The following NUP214 variants were observed in gnomAD, a reference collection of about 807,000 sequenced individuals.
The protein encoded by NUP214 is nucleoporin 214, also known as nuclear pore complex protein Nup214.
A neutral mutation model predicts 196.2 loss-of-function variants in NUP214; 79 were observed. The ratio of observed to expected loss-of-function variants is 0.40; its 90% CI spans 0.34 to 0.49. The LOEUF (loss-of-function observed/expected upper bound fraction) is 0.49, where lower values mean the gene tolerates loss of function less well. Among genes scored for constraint, NUP214 ranks in the 20% least tolerant of loss-of-function variants. NUP214 has a pLI of 0.58. For missense variants in NUP214, 2,468 were observed against 2,539.0 expected (o/e 0.97, Z 0.60); for synonymous variants, 1,020 against 990.5 (o/e 1.03, Z -0.56).
intron 21 of NUP214, among the ~76,000 whole-genome samples, chr9:131,173,814 A>G (rs932738390): frequency 6.6e-6 from 1 of 152,026 alleles, no homozygotes; most frequent in East Asian, 1.9e-4. Context: ...ACTTTTTCAC[A>G]TTCTTTTAAC....
chr9:131,196,823 C>G (rs1158816988), intron 28 of NUP214, among the ~76,000 whole-genome samples: 12 of 152,202 alleles, frequency 7.9e-5, no homozygotes, highest in Admixed American at 7.9e-4. Flanking sequence ...CATTTTGAAT[C>G]AAGTCCTGGT....
chr9:131,181,032 G>A lies in NUP214; in HGVS notation c.3419+2622G>A, dbSNP rs181694702. ...GTAATATATTAGATGGTGATATGGTGTGATGGAGAAAATTAAAGCGGGGGA... is the reference window on the plus strand; with the variant it reads ...GTAATATATTAGATGGTGATATGGTATGATGGAGAAAATTAAAGCGGGGGA... On this transcript the variant is annotated intron_variant, in intron 24 of 35. Transcript: ENST00000359428. Among the ~76,000 whole-genome samples, 6 of 152,266 alleles carry A rather than the reference G, an allele frequency of 3.9e-5. No individual in the cohort carries two copies. The East Asian group carries it at 7.7e-4, about 20-fold the overall frequency.
chr9:131,174,269 T>A lies in NUP214; in HGVS notation c.3108T>A (p.Ala1036=). 4 of 1,613,942 alleles carry A rather than the reference T, an allele frequency of 2.5e-6. No individual in the cohort carries two copies. The highest frequency in any genetic ancestry group is 3.4e-6 in the Non-Finnish European group (4 of 1,179,960). Residue 1036 remains alanine (A), a synonymous_variant, in exon 22 of 36, where the codon GCT becomes GCA. Transcript: ENST00000359428. The part of the protein sequence containing the change: ...PSLLPHAAPF[A]KSHLVHGSSP... ...TCTTGCCCCATGCAGCACCTTTTGC[T>A]AAATCTCACCTGGTTCATGGTTCTT...
chr9:131,207,262 A>G (rs1462020712), intron 30 of NUP214, among the ~76,000 whole-genome samples: 1 of 152,224 alleles, frequency 6.6e-6, no homozygotes, highest in Non-Finnish European at 1.5e-5. Flanking sequence ...CTTATTTATT[A>G]TAGTCTTGGA....
chr9:131,206,162 T>TTTTTTTTTTTTTTTTTTTTTTA (rs71372703), intron 30 of NUP214, among the ~76,000 whole-genome samples: 3 of 126,340 alleles, frequency 2.4e-5, no homozygotes, highest in African/African-American at 2.8e-5. Context: ...TTTTTTTTTT[T>TTTTTTTTTTTTTTTTTTTTTTA]GAGACAGGGT....
chr9:131,212,334 C>T (rs927772816), intron 30 of NUP214, among the ~76,000 whole-genome samples: 1 of 152,148 alleles, frequency 6.6e-6, no homozygotes, highest in African/African-American at 2.4e-5. Context: ...GCCCCATTTG[C>T]CTTGTGATAT....
chr9:131,206,148 CTT>C (rs71265048), intron 30 of NUP214, among the ~76,000 whole-genome samples: 29,645 of 76,806 alleles, frequency 0.39, 6,452 homozygotes, highest in Middle Eastern at 0.63. Flanking sequence ...TTTCTTTTTT[CTT>C]TTTTTTTTTT....
chr9:131,136,213 T>C (rs1831724347), intron 9 of NUP214, among the ~76,000 whole-genome samples: 1 of 152,226 alleles, frequency 6.6e-6, no homozygotes, highest in African/African-American at 2.4e-5. Flanking sequence ...CTGATTTTTA[T>C]ATTTTTAGTA....
chr9:131,156,393 A>G (rs1411352344), intron 17 of NUP214, among the ~76,000 whole-genome samples: 1 of 151,730 alleles, frequency 6.6e-6, no homozygotes, highest in Non-Finnish European at 1.5e-5. Flanking sequence ...AGGCCTCCCA[A>G]AGTGCTGGGA....
intron 24 of NUP214, 89 bp downstream of exon 24, chr9:131,178,499 A>G (rs1833178042): frequency 1.1e-6 from 1 of 937,782 alleles, no homozygotes. Flanking sequence ...CCACTGTCAC[A>G]GTCTGGTTTT....
In NUP214 at chr9:131,198,955, G is replaced by A. The variant is rs374177256; in HGVS notation, c.5461G>A (p.Gly1821Ser). The change falls in exon 29 of 36, where the codon GGT becomes AGT. Residue 1821 changes from glycine (G) to serine (S), a missense_variant. Gly to Ser is a moderately conservative substitution (Grantham distance 56). Coordinates refer to ENST00000359428, the MANE Select transcript of NUP214 (RefSeq NM_005085.4). ...GFGQGGSVFG[G>S]TSAATTTAAT... ...TGGACAGGGAGGCTCTGTCTTTGGT[G>A]GTACCTCAGCTGCCACCACAACAGC... 6.2e-7 allele frequency: 1 copy of A among 1,613,642 alleles called. No individual in the cohort carries two copies. Among genetic ancestry groups the A allele is most frequent in the South Asian group, 1.1e-5 (1 of 91,080 alleles).
chr9:131,190,682 T>C, intron 26 of NUP214: 2 of 497,010 alleles, frequency 4.0e-6, no homozygotes, highest in South Asian at 5.7e-5. Context: ...AAGCCTATGG[T>C]GTAGAGATAT....
intron 21 of NUP214, chr9:131,166,964 G>A (rs1409996024): frequency 1.3e-5 from 2 of 151,982 alleles, no homozygotes; most frequent in Non-Finnish European, 2.9e-5. Flanking sequence ...GTCCTCCCAA[G>A]AACAAAGGTG....
intron 32 of NUP214, among the ~76,000 whole-genome samples, chr9:131,223,723 A>ATTTTTTTTTT (rs1222974193): frequency 3.7e-4 from 7 of 18,968 alleles, no homozygotes; most frequent in African/African-American, 6.4e-4. Context: ...TTATTTATTT[A>ATTTTTTTTTT]TTTATTTTTT....
At chr9:131,178,437 GC>G (rs755284173) in intron 24 of NUP214, 27 bp downstream of exon 24, 1 of 1,533,956 alleles carries the variant, frequency 6.5e-7, no homozygotes, top group Admixed American at 1.7e-5. Flanking sequence ...GTGTGTTTCA[GC>G]CCCTGGCTGC....
rs1831482133 is a variant in NUP214 at position 131,130,018 on chromosome 9, G to GT, written c.592+547dup. On this transcript the variant is annotated intron_variant, in intron 4 of 35. Coordinates refer to ENST00000359428, the MANE Select transcript of NUP214 (RefSeq NM_005085.4). ...ATTTTGGTACAGCTGGTTTAGAAGTGTTTTTTGGGAATAATTGTTTCTGGA... is the reference window on the plus strand; with the variant it reads ...ATTTTGGTACAGCTGGTTTAGAAGTGTTTTTTTGGGAATAATTGTTTCTGGA... 4.0e-5 allele frequency among the ~76,000 whole-genome samples: 6 copies of GT among 151,052 alleles called. No individual in the cohort carries two copies. In the South Asian group the frequency reaches 1.3e-3, roughly 32 times the overall value.
At chr9:131,201,927 A>G (rs1833952304) in intron 30 of NUP214, among the ~76,000 whole-genome samples, 2 of 152,166 alleles carry the variant, frequency 1.3e-5, no homozygotes, top group East Asian at 3.8e-4. Flanking sequence ...TCCTCCTTCC[A>G]CAGTCTTCTG....
intron 21 of NUP214, among the ~76,000 whole-genome samples, chr9:131,165,633 A>G (rs1332504495): frequency 6.6e-6 from 1 of 152,250 alleles, no homozygotes; most frequent in Non-Finnish European, 1.5e-5. Flanking sequence ...TATATACCCC[A>G]AATAATTGAA....
chr9:131,181,109 C>T (rs1833266346), intron 24 of NUP214, among the ~76,000 whole-genome samples: 1 of 151,994 alleles, frequency 6.6e-6, no homozygotes, highest in Admixed American at 6.6e-5. Context: ...ATAGGGTGGC[C>T]AGGGAAGGCC....
Sources: gnomAD v4.1 joint callset for allele counts (sites outside exome capture counted in the v4.1 genomes callset) on GRCh38, gnomAD v4.1.1 for gene constraint, MANE v1.5 for transcripts, NCBI Gene and HGNC (gene_info 2026-07-23, HGNC 2026-07-21) for gene names.